ADCY1: variants seen among roughly 807,000 people sequenced by gnomAD.
ADCY1 encodes adenylate cyclase 1, also known as adenylate cyclase type 1.
In ADCY1, 28 loss-of-function variants were observed where a neutral mutation model predicts 105.4. That is an observed-to-expected ratio of 0.27 (90% CI 0.20 to 0.36). The LOEUF is 0.36. Among genes scored for constraint, ADCY1 ranks in the 10% least tolerant of loss-of-function variants. ADCY1 has a pLI of 1.00. For synonymous variants in ADCY1, 655 were observed against 623.8 expected (o/e 1.05, Z -0.75); for missense variants, 977 against 1,434.2 (o/e 0.68, Z 5.15).
At chr7:45,711,918 AT>A (rs563184285) in intron 19 of ADCY1, among the ~76,000 whole-genome samples, 1 of 109,730 alleles carries the variant, frequency 9.1e-6, no homozygotes, top group Non-Finnish European at 1.8e-5. Flanking sequence ...ATATAAATAT[AT>A]TATATATTAT....
intron 14 of ADCY1, among the ~76,000 whole-genome samples, chr7:45,702,640 G>A (rs1175885458): frequency 6.6e-6 from 1 of 152,250 alleles, no homozygotes; most frequent in African/African-American, 2.4e-5. Context: ...CACTTCTTGA[G>A]CCCTCACAGT....
rs1248095010 is a variant in ADCY1 at position 45,647,079 on chromosome 7, C to T, written c.1021-1591C>T. On this transcript the variant is annotated intron_variant, in intron 4 of 19. Coordinates refer to ENST00000297323, the MANE Select transcript of ADCY1 (RefSeq NM_021116.4). The surrounding 1 kb of genome is among the most constrained non-coding windows in gnomAD (Gnocchi z 4.6). ...AGAGAGCCAACTGTATGCCCAACAG[C>T]GCCCCCTCCTCTGATGCTGGGCGGT... Among the ~76,000 whole-genome samples the T allele has an allele frequency of 6.6e-6, 1 of 152,238 alleles. No homozygotes were observed. The highest frequency in any genetic ancestry group is 1.5e-5 in the Non-Finnish European group (1 of 68,046).
At chr7:45,692,476 G>A (rs10951831) in intron 14 of ADCY1, among the ~76,000 whole-genome samples, 61,884 of 152,064 alleles carry the variant, frequency 0.41, 13,295 homozygotes, top group African/African-American at 0.52. Context: ...GACCCAGGTA[G>A]GTTGGATGTG....
chr7:45,685,868 G>A, intron 12 of ADCY1, 94 bp from the exon 13 acceptor site: 1 of 1,476,162 alleles, frequency 6.8e-7, no homozygotes, highest in South Asian at 1.4e-5. Context: ...CAAAACCTTG[G>A]GAGACCTGCT....
intron 1 of ADCY1, among the ~76,000 whole-genome samples, chr7:45,576,918 C>A (rs975996417): frequency 9.2e-5 from 14 of 152,278 alleles, no homozygotes; most frequent in African/African-American, 3.4e-4. Flanking sequence ...GCGTTATTGT[C>A]TTTCTCTTTT....
At position 45,686,157 on chromosome 7, in the gene ADCY1, T is replaced by G; in HGVS notation, c.2269T>G (p.Ser757Ala). The change falls in exon 13 of 20, where the codon TCC becomes GCC. Residue 757 changes from serine to alanine, a missense_variant. By Grantham distance (99) the Ser-to-Ala change is moderately conservative. Transcript: ENST00000297323. The surrounding 1 kb of genome is among the most constrained non-coding windows in gnomAD (Gnocchi z 4.3). The stretch of plus-strand genomic sequence containing the variant: ...CTCCTTGCCAAAAATGATCCTGCTC[T>G]CCGGGCTCACCACGTCCTACATCCT... ...VSSLPKMILL[S>A]GLTTSYILVL... 1 of 1,614,164 alleles carries G rather than the reference T, an allele frequency of 6.2e-7. No homozygotes were observed. Among genetic ancestry groups the G allele is most frequent in the Non-Finnish European group, 8.5e-7 (1 of 1,180,044 alleles).
In ADCY1 at chr7:45,713,567, C is replaced by T. The variant is rs186770148; in HGVS notation, c.3058-126C>T. On this transcript the variant is annotated intron_variant, in intron 19 of 19. Transcript: ENST00000297323. ...CTGCCAGGCTGAGCTGGGAAAGCCACATCCCAGTGCCAGGGTTGGGCAGTC... is the reference window on the plus strand; with the variant it reads ...CTGCCAGGCTGAGCTGGGAAAGCCATATCCCAGTGCCAGGGTTGGGCAGTC... The T allele has an allele frequency of 1.1e-3, 675 of 637,920 alleles. 5 individuals carry two copies. In the African/African-American group the frequency reaches 0.012, roughly 11 times the overall value. The allele number at this position is 637,920 out of a possible 1,614,324, so 39.5% of individuals were successfully genotyped here.
At chr7:45,599,466 A>G (rs1793164579) in intron 2 of ADCY1, among the ~76,000 whole-genome samples, 1 of 150,882 alleles carries the variant, frequency 6.6e-6, no homozygotes, top group East Asian at 2.0e-4. Context: ...GCTCTGTATC[A>G]GCTCCGGGAA....
At chr7:45,663,271 T>C (rs1795180289) in intron 8 of ADCY1, among the ~76,000 whole-genome samples, 1 of 152,120 alleles carries the variant, frequency 6.6e-6, no homozygotes, top group African/African-American at 2.4e-5. Context: ...GGAGCTGGAG[T>C]TAGGCGTCAG....
chr7:45,579,315 C>T (rs1220109126), intron 1 of ADCY1, among the ~76,000 whole-genome samples: 1 of 152,192 alleles, frequency 6.6e-6, no homozygotes, highest in Non-Finnish European at 1.5e-5. Context: ...GCCCTGCCTC[C>T]CTTTCCCCAG....
At chr7:45,625,293 T>G (rs1794020379) in intron 4 of ADCY1, among the ~76,000 whole-genome samples, 1 of 152,240 alleles carries the variant, frequency 6.6e-6, no homozygotes, top group South Asian at 2.1e-4. Context: ...TTGGCTCTTT[T>G]GCCAGGACAC....
rs145268363 is a variant in ADCY1, at chr7:45,703,219, T to C, written c.2455-157T>C. 1.6e-3 allele frequency among the ~76,000 whole-genome samples: 244 copies of C among 152,220 alleles called. 1 individual carries two copies. The highest frequency in any genetic ancestry group is 5.3e-3 in the African/African-American group (220 of 41,536). Reference sequence around the variant, plus strand: ...GATCTTCCCTACCCAGTAACATGGATCTAGTCTTGCATCTAGTGGGGAGGA... The same window carrying C: ...GATCTTCCCTACCCAGTAACATGGACCTAGTCTTGCATCTAGTGGGGAGGA... On this transcript the variant is annotated intron_variant, in intron 14 of 19. Transcript: ENST00000297323. The surrounding 1 kb of genome is among the most constrained non-coding windows in gnomAD (Gnocchi z 5.9).
rs765906539 is a variant in ADCY1, at chr7:45,686,661, C to G, written c.2442C>G (p.Leu814=). The change falls in exon 14 of 20, where the codon CTC becomes CTG. Residue 814 remains leucine, a synonymous_variant. Transcript: ENST00000297323. This position sits in a 1 kb window ranked among gnomAD's most constrained non-coding sequence, Gnocchi z 4.3. ...ACATCAGGCTGAGGCTGGACTACCT[C>G]TGGGCCGCACAGGCAAGACGAGCCC... is the stretch of plus-strand genomic sequence containing the variant. ...QVDIRLRLDY[L]WAAQAEEERE... 6.2e-7 allele frequency: 1 copy of G among 1,608,726 alleles called. No homozygotes were observed. The highest frequency in any genetic ancestry group is 1.1e-5 in the South Asian group (1 of 90,696).
intron 4 of ADCY1, among the ~76,000 whole-genome samples, chr7:45,648,101 T>C (rs1386144387): frequency 6.6e-6 from 1 of 152,232 alleles, no homozygotes; most frequent in Non-Finnish European, 1.5e-5. Flanking sequence ...TTCATACCAC[T>C]GTACAGACGA....
intron 2 of ADCY1, among the ~76,000 whole-genome samples, chr7:45,602,942 A>C (rs796747214): frequency 1.4e-4 from 21 of 152,316 alleles, no homozygotes; most frequent in African/African-American, 5.1e-4. Context: ...ATCCATTAGC[A>C]GTCACTCTCC....
chr7:45,670,682 C>T (rs1387601330), intron 8 of ADCY1, among the ~76,000 whole-genome samples: 2 of 151,934 alleles, frequency 1.3e-5, no homozygotes, highest in Admixed American at 6.6e-5. Flanking sequence ...GACCTGTGCC[C>T]ATCAGCCCTG....
chr7:45,694,139 ACT>A, intron 14 of ADCY1, among the ~76,000 whole-genome samples: 1 of 134,352 alleles, frequency 7.4e-6, no homozygotes, highest in Admixed American at 7.8e-5. Context: ...AAAAAAAAAC[ACT>A]GTCAACCAAC....
chr7:45,657,489 C>G (rs140011019), intron 5 of ADCY1, among the ~76,000 whole-genome samples: 1 of 152,198 alleles, frequency 6.6e-6, no homozygotes, highest in African/African-American at 2.4e-5. Context: ...GGACATGGTG[C>G]GAGCTGGCTG....
intron 8 of ADCY1, among the ~76,000 whole-genome samples, chr7:45,665,347 G>A (rs1784209275): frequency 6.6e-6 from 1 of 152,120 alleles, no homozygotes; most frequent in African/African-American, 2.4e-5. Flanking sequence ...AGCCTGTTAG[G>A]GTAGTTACGC....
Sources: allele counts gnomAD v4.1 joint callset (sites outside exome capture counted in the v4.1 genomes callset), GRCh38; gene constraint gnomAD v4.1.1; non-coding constraint Gnocchi (gnomAD v3.1); transcripts MANE v1.5; gene names NCBI Gene and HGNC (gene_info 2026-07-23, HGNC 2026-07-21).